TSPAN7: variants seen among roughly 807,000 people sequenced by gnomAD.
TSPAN7 encodes tetraspanin 7.
TSPAN7 carries 1 observed loss-of-function variant against 17.6 expected under a neutral mutation model. The ratio of observed to expected loss-of-function variants is 0.06; its 90% CI spans 0.02 to 0.27. The LOEUF (loss-of-function observed/expected upper bound fraction) is 0.27. TSPAN7 is among the 10% of genes least tolerant of loss of function. The pLI, the probability that TSPAN7 is intolerant of heterozygous loss-of-function variation, is 1.00. For missense variants in TSPAN7, 112 were observed against 201.7 expected, an observed-to-expected ratio of 0.56 and a Z score of 2.69; for synonymous variants, 78 against 79.0, an observed-to-expected ratio of 0.99 and a Z score of 0.07.
intron 1 of TSPAN7, among the ~76,000 whole-genome samples, chrX:38,633,996 T>C (rs745453306): frequency 8.9e-6 from 1 of 112,346 alleles, no homozygotes; most frequent in East Asian, 2.8e-4. Flanking sequence ...GTCAGAACTA[T>C]TTCATTCATA....
At chrX:38,648,068 G>A (rs2069654770) in intron 1 of TSPAN7, among the ~76,000 whole-genome samples, 1 of 111,829 alleles carries the variant, frequency 8.9e-6, no homozygotes, top group South Asian at 3.7e-4. Context: ...AGCTTTCTCT[G>A]AGCCTGCATT....
At chrX:38,563,224 G>A in intron 1 of TSPAN7, 1 of 748,991 alleles carries the variant, frequency 1.3e-6, no homozygotes, top group South Asian at 2.8e-5. Context: ...GGCAAACACA[G>A]AAACGGACTT....
At chrX:38,563,063 T>C (rs751201393) in intron 1 of TSPAN7, 20 of 969,518 alleles carry the variant, frequency 2.1e-5, no homozygotes, top group Middle Eastern at 2.9e-4. Flanking sequence ...CAGAGATTTA[T>C]TGAGGATCAA....
chrX:38,601,828 C>A (rs2069348735), intron 1 of TSPAN7, among the ~76,000 whole-genome samples: 1 of 111,826 alleles, frequency 8.9e-6, no homozygotes, highest in Admixed American at 9.5e-5. Flanking sequence ...ATCTAGCCCT[C>A]CTCATGCATT....
chrX:38,665,989 G>A (rs182607873), intron 1 of TSPAN7, 132 bp from the exon 2 acceptor site: 159 of 564,906 alleles, frequency 2.8e-4, no homozygotes, highest in African/African-American at 2.1e-3. Flanking sequence ...GACATTTCTC[G>A]TTGCTCAGGG....
intron 1 of TSPAN7, among the ~76,000 whole-genome samples, chrX:38,634,115 C>T (rs936151328): frequency 9.0e-6 from 1 of 111,507 alleles, no homozygotes; most frequent in Non-Finnish European, 1.9e-5. Context: ...ACTTTTAATT[C>T]GAATCGGAAT....
At chrX:38,640,197 A>G (rs1225323453) in intron 1 of TSPAN7, among the ~76,000 whole-genome samples, 2 of 111,371 alleles carry the variant, frequency 1.8e-5, no homozygotes, top group African/African-American at 6.5e-5. Context: ...GTTTTTCAGG[A>G]TTGAATGTTT....
intron 1 of TSPAN7, among the ~76,000 whole-genome samples, chrX:38,576,102 A>G (rs2069192816): frequency 8.9e-6 from 1 of 112,386 alleles, no homozygotes; most frequent in African/African-American, 3.2e-5. Flanking sequence ...AAAGCAGCAT[A>G]GACAATATGT....
chrX:38,575,164 A>G (rs1049177547), intron 1 of TSPAN7, among the ~76,000 whole-genome samples: 2 of 110,896 alleles, frequency 1.8e-5, no homozygotes, highest in Admixed American at 9.7e-5. Context: ...AATGCTGCCA[A>G]TAGTCAAATG....
At chrX:38,659,735 G>A (rs1253995212) in intron 1 of TSPAN7, among the ~76,000 whole-genome samples, 2 of 106,867 alleles carry the variant, frequency 1.9e-5, no homozygotes, top group African/African-American at 3.4e-5. Context: ...GGGCTCAAGT[G>A]ATCCTCCTGT....
chrX:38,575,202 G>A (rs1303290594), intron 1 of TSPAN7, among the ~76,000 whole-genome samples: 1 of 110,928 alleles, frequency 9.0e-6, no homozygotes, highest in Non-Finnish European at 1.9e-5. Flanking sequence ...TTCCCCATTT[G>A]TACCTCAGAT....
At chrX:38,634,593 G>A (rs1569309674) in intron 1 of TSPAN7, among the ~76,000 whole-genome samples, 1 of 111,780 alleles carries the variant, frequency 8.9e-6, no homozygotes, top group Non-Finnish European at 1.9e-5. Context: ...ATCTGTCTCT[G>A]AGATGGGCTG....
At chrX:38,613,907 C>T (rs1235853889) in intron 1 of TSPAN7, among the ~76,000 whole-genome samples, 2 of 110,259 alleles carry the variant, frequency 1.8e-5, no homozygotes, top group East Asian at 5.7e-4. Context: ...GTTTGAGACC[C>T]CCTTATCCCC....
chrX:38,638,873 CT>C (rs35028145), intron 1 of TSPAN7, among the ~76,000 whole-genome samples: 35,930 of 110,362 alleles, frequency 0.33, 4,419 homozygotes, highest in East Asian at 0.68. Flanking sequence ...ATATTCAAGG[CT>C]TTTCTCTGGA....
At chrX:38,563,045 G>C in intron 1 of TSPAN7, 1 of 971,095 alleles carries the variant, frequency 1.0e-6, no homozygotes, top group Non-Finnish European at 1.3e-6. Context: ...CAATGGTCAA[G>C]GAAGAAGCAG....
chrX:38,646,899 G>A (rs2069648473), intron 1 of TSPAN7, among the ~76,000 whole-genome samples: 1 of 111,471 alleles, frequency 9.0e-6, no homozygotes, highest in South Asian at 3.8e-4. Context: ...CTCAGTTCAC[G>A]GTCCCTCACT....
chrX:38,637,735 G>A (rs2147433294), intron 1 of TSPAN7, among the ~76,000 whole-genome samples: 1 of 112,712 alleles, frequency 8.9e-6, no homozygotes, highest in Non-Finnish European at 1.9e-5. Context: ...TGCCACACGG[G>A]TGGTCCGTGA....
At chrX:38,581,275 A>G (rs894136299) in intron 1 of TSPAN7, among the ~76,000 whole-genome samples, 2 of 112,395 alleles carry the variant, frequency 1.8e-5, no homozygotes, top group Non-Finnish European at 3.8e-5. Flanking sequence ...TAATAAAGAC[A>G]TACCCGAGAC....
At chrX:38,617,644 T>G (rs184845112) in intron 1 of TSPAN7, among the ~76,000 whole-genome samples, 25 of 112,347 alleles carry the variant, frequency 2.2e-4, no homozygotes, top group Non-Finnish European at 4.5e-4. Flanking sequence ...AATCTGCATT[T>G]TGAACAGACT....
Sources: allele counts gnomAD v4.1 joint callset (sites outside exome capture counted in the v4.1 genomes callset), GRCh38; gene constraint gnomAD v4.1.1; transcripts MANE v1.5; gene names NCBI Gene and HGNC (gene_info 2026-07-23, HGNC 2026-07-21).